The following FRS2 variants were observed in gnomAD, a reference collection of about 807,000 sequenced individuals.
FRS2 encodes the protein FGFR signalling adaptor.
FRS2 carries 8 observed loss-of-function variants against 43.9 expected under a neutral mutation model. That is an observed-to-expected ratio of 0.18 (90% CI 0.11 to 0.33). The LOEUF (loss-of-function observed/expected upper bound fraction) is 0.33. FRS2 is among the 10% of genes least tolerant of loss of function. FRS2 has a pLI of 1.00. For missense variants in FRS2, 534 were observed against 627.6 expected, an observed-to-expected ratio of 0.85 and a Z score of 1.59; for synonymous variants, 219 against 220.3, an observed-to-expected ratio of 0.99 and a Z score of 0.05.
At chr12:69,470,705 C>T (rs182559892) in intron 1 of FRS2, among the ~76,000 whole-genome samples, 175 bp downstream of exon 1, 1 of 141,334 alleles carries the variant, frequency 7.1e-6, no homozygotes, top group Admixed American at 6.9e-5. Context: ...GAAGAGCTGG[C>T]TGTGGGTCCA....
intron 1 of FRS2, among the ~76,000 whole-genome samples, chr12:69,500,142 C>A (rs12227511): frequency 6.6e-6 from 1 of 152,028 alleles, no homozygotes. Context: ...AAAATAACAA[C>A]GAAATAATGG....
rs1870464165 is a variant in FRS2, at chr12:69,473,191, C to A, written c.-261+2661C>A. On this transcript the variant is annotated intron_variant, in intron 1 of 8. Coordinates refer to ENST00000549921, the MANE Select transcript of FRS2 (RefSeq NM_001278356.2). The stretch of plus-strand genomic sequence containing the variant: ...TTAGCTTCACAGCAATATGTAAGTA[C>A]CTTAATAATGAGGACAGTGAGGCTC... Among the ~76,000 whole-genome samples the A allele has an allele frequency of 2.6e-5, 4 of 152,160 alleles. No homozygotes were observed. The South Asian group carries it at 8.3e-4, about 32-fold the overall frequency.
chr12:69,519,455 T>C (rs147911262), intron 1 of FRS2, among the ~76,000 whole-genome samples: 1 of 152,330 alleles, frequency 6.6e-6, no homozygotes, highest in East Asian at 1.9e-4. Context: ...TTTGTTATAT[T>C]GGTAAACTTG....
chr12:69,508,024 C>CA (rs11365179), intron 1 of FRS2, among the ~76,000 whole-genome samples: 2,593 of 47,618 alleles, frequency 0.054, 305 homozygotes, highest in African/African-American at 0.13. Flanking sequence ...AACCCCGTCT[C>CA]AAAAAAAAAA....
At chr12:69,484,970 G>T (rs1431797005) in intron 1 of FRS2, among the ~76,000 whole-genome samples, 2 of 151,890 alleles carry the variant, frequency 1.3e-5, no homozygotes, top group Non-Finnish European at 2.9e-5. Flanking sequence ...AACCTGCCAG[G>T]CATGGTGACA....
intron 1 of FRS2, among the ~76,000 whole-genome samples, chr12:69,526,869 G>A (rs1361880218): frequency 5.3e-5 from 8 of 152,116 alleles, no homozygotes; most frequent in South Asian, 2.1e-4. Flanking sequence ...GACTACAGGC[G>A]CGTGCCACCA....
intron 1 of FRS2, among the ~76,000 whole-genome samples, chr12:69,489,394 G>A (rs965011554): frequency 2.6e-5 from 4 of 152,182 alleles, no homozygotes; most frequent in Non-Finnish European, 5.9e-5. Flanking sequence ...ACAAGCCTTG[G>A]TTAGGTGGCT....
chr12:69,535,146 G>C (rs1877151709), intron 3 of FRS2, among the ~76,000 whole-genome samples: 1 of 152,120 alleles, frequency 6.6e-6, no homozygotes, highest in Non-Finnish European at 1.5e-5. Flanking sequence ...TCCAAAGATA[G>C]GTTCTGGGCG....
At chr12:69,558,275 TATTA>T (rs1879601666) in intron 3 of FRS2, among the ~76,000 whole-genome samples, 2 of 152,238 alleles carry the variant, frequency 1.3e-5, no homozygotes, top group Admixed American at 1.3e-4. Context: ...AGTAAAACAC[TATTA>T]ATTGTTTTCT....
At chr12:69,544,333 C>T (rs1878176966) in intron 3 of FRS2, among the ~76,000 whole-genome samples, 1 of 152,040 alleles carries the variant, frequency 6.6e-6, no homozygotes, top group Non-Finnish European at 1.5e-5. Context: ...GAGAAAACCA[C>T]ATGATTGTGT....
intron 1 of FRS2, among the ~76,000 whole-genome samples, chr12:69,517,710 C>A (rs1276520922): frequency 6.6e-6 from 1 of 152,080 alleles, no homozygotes. Flanking sequence ...GCTGTCGGTT[C>A]TGATTCATAT....
intron 3 of FRS2, among the ~76,000 whole-genome samples, chr12:69,540,469 A>G (rs1315297459): frequency 6.6e-6 from 1 of 152,158 alleles, no homozygotes; most frequent in African/African-American, 2.4e-5. Context: ...TAAGTAAAGT[A>G]TAAAGTAGTA....
chr12:69,559,206 AT>A (rs1175462686), intron 3 of FRS2, among the ~76,000 whole-genome samples: 2 of 152,228 alleles, frequency 1.3e-5, no homozygotes, highest in African/African-American at 4.8e-5. Flanking sequence ...GACAGTTTAA[AT>A]ATACATAAGC....
At chr12:69,472,137 A>G (rs895120262) in intron 1 of FRS2, among the ~76,000 whole-genome samples, 4 of 152,014 alleles carry the variant, frequency 2.6e-5, no homozygotes, top group Admixed American at 2.6e-4. Context: ...CCCAGGCTGC[A>G]GCACAGTGGC....
At position 69,532,075 on chromosome 12, in the gene FRS2, A is replaced by G. The variant is rs1245895951; in HGVS notation, c.-122+19A>G. 1 of 152,642 alleles carries G rather than the reference A, an allele frequency of 6.6e-6. No individual in the cohort carries two copies. Among genetic ancestry groups the G allele is most frequent in the Admixed American group, 6.5e-5 (1 of 15,280 alleles). 9.5% of individuals were successfully genotyped at this position (152,642 alleles called of 1,614,324 possible). ...CCACAAGGTAAGAAATTGTAAATATAGTAATAAAACTAATATTGTTGAGTA... is the reference window on the plus strand; with the variant it reads ...CCACAAGGTAAGAAATTGTAAATATGGTAATAAAACTAATATTGTTGAGTA... On this transcript the variant is annotated intron_variant, in intron 3 of 8. Transcript: ENST00000549921.
intron 1 of FRS2, among the ~76,000 whole-genome samples, chr12:69,526,635 A>T (rs1191551976): frequency 1.3e-5 from 2 of 152,240 alleles, no homozygotes; most frequent in African/African-American, 4.8e-5. Context: ...AAATTCTAAA[A>T]ATTACTTTAA....
intron 1 of FRS2, among the ~76,000 whole-genome samples, chr12:69,512,486 A>T (rs1334739393): frequency 2.0e-5 from 3 of 152,224 alleles, no homozygotes; most frequent in Admixed American, 6.5e-5. Flanking sequence ...TACATTTAGT[A>T]TAAGAATCAA....
chr12:69,546,012 T>G (rs895805969), intron 3 of FRS2, among the ~76,000 whole-genome samples: 3 of 152,150 alleles, frequency 2.0e-5, no homozygotes, highest in Non-Finnish European at 4.4e-5. Context: ...GGGCGAATGC[T>G]TCATGACATT....
Position 69,576,786 on chromosome 12 carries a change from ATTTTC to A in FRS2, c.*1838_*1842del, listed in dbSNP as rs1413566496. ...TTTATCATTCTATGTGCATAGCAGA[ATTTTC>A]TTTTCTCCCTTTTGTTCCCCTGTGA... On this transcript the variant is annotated 3_prime_UTR_variant, in exon 9 of 9. Transcript: ENST00000549921. The A allele has an allele frequency of 6.6e-6, 1 of 152,572 alleles. No individual in the cohort carries two copies. The highest frequency in any genetic ancestry group is 2.4e-5 in the African/African-American group (1 of 41,432). 9.5% of individuals were successfully genotyped at this position (152,572 alleles called of 1,614,324 possible).
Sources: allele counts gnomAD v4.1 joint callset (sites outside exome capture counted in the v4.1 genomes callset), GRCh38; gene constraint gnomAD v4.1.1; transcripts MANE v1.5; gene names NCBI Gene and HGNC (gene_info 2026-07-23, HGNC 2026-07-21).